The following NOL4 variants were observed in gnomAD, a reference collection of about 807,000 sequenced individuals.
NOL4 encodes the protein cancer/testis antigen 125.
Under a neutral mutation model 75.9 loss-of-function variants are expected in NOL4, and 17 were observed. The ratio of observed to expected loss-of-function variants is 0.22; its 90% confidence interval spans 0.15 to 0.34. NOL4 has a LOEUF of 0.34. Among genes scored for constraint, NOL4 ranks in the 10% least tolerant of loss-of-function variants. NOL4 has a pLI of 1.00. For synonymous variants in NOL4, 292 were observed against 289.9 expected (o/e 1.01, Z -0.07); for missense variants, 614 against 793.5 (o/e 0.77, Z 2.72).
intron 4 of NOL4, among the ~76,000 whole-genome samples, chr18:34,103,302 T>A (rs993600490): frequency 3.3e-5 from 5 of 152,050 alleles, no homozygotes; most frequent in African/African-American, 2.4e-5. Context: ...CTATTGTATA[T>A]CTGCTATTGT....
chr18:34,140,916 C>A (rs970234056), intron 1 of NOL4, among the ~76,000 whole-genome samples: 1 of 151,656 alleles, frequency 6.6e-6, no homozygotes, highest in Non-Finnish European at 1.5e-5. Context: ...CTAACAATGA[C>A]TGTATATCTA....
chr18:34,159,353 C>A (rs1274169943), intron 1 of NOL4, among the ~76,000 whole-genome samples: 2 of 152,136 alleles, frequency 1.3e-5, no homozygotes, highest in African/African-American at 2.4e-5. Context: ...TGACGTCCCC[C>A]GCCACCAGTA....
At chr18:34,177,392 A>G (rs2146306400) in intron 1 of NOL4, among the ~76,000 whole-genome samples, 1 of 152,066 alleles carries the variant, frequency 6.6e-6, no homozygotes, top group South Asian at 2.1e-4. Context: ...GTCAAAATGT[A>G]TCAAGTTGTA....
At chr18:33,975,506 G>A (rs776985311) in intron 6 of NOL4, among the ~76,000 whole-genome samples, 6 of 152,208 alleles carry the variant, frequency 3.9e-5, no homozygotes, top group Non-Finnish European at 8.8e-5. Context: ...GGGTGCAGTG[G>A]CTCATGCCTG....
chr18:34,188,173 C>G (rs2034637302), intron 1 of NOL4, among the ~76,000 whole-genome samples: 1 of 152,068 alleles, frequency 6.6e-6, no homozygotes, highest in Non-Finnish European at 1.5e-5. Flanking sequence ...TTGTCATTAA[C>G]TGAATACAGT....
At chr18:34,157,907 T>C (rs572937359) in intron 1 of NOL4, among the ~76,000 whole-genome samples, 13 of 152,328 alleles carry the variant, frequency 8.5e-5, no homozygotes, top group African/African-American at 3.1e-4. Flanking sequence ...TTCATAGCTT[T>C]ACCTAGGGCT....
intron 2 of NOL4, among the ~76,000 whole-genome samples, chr18:34,118,965 C>A (rs2079992810): frequency 6.6e-6 from 1 of 152,088 alleles, no homozygotes; most frequent in South Asian, 2.1e-4. Flanking sequence ...ACCATAATTA[C>A]CCCTGAATAC....
chr18:33,933,397 A>G (rs947636941), intron 9 of NOL4, among the ~76,000 whole-genome samples: 1 of 152,154 alleles, frequency 6.6e-6, no homozygotes, highest in African/African-American at 2.4e-5. Context: ...TCTTAAATAA[A>G]GACAAGAATG....
chr18:33,994,825 A>G (rs999476584), intron 6 of NOL4, among the ~76,000 whole-genome samples: 1 of 151,728 alleles, frequency 6.6e-6, no homozygotes, highest in South Asian at 2.1e-4. Context: ...GAATAGAGAA[A>G]CAATAGGCAA....
intron 2 of NOL4, among the ~76,000 whole-genome samples, chr18:34,124,692 G>A (rs769695066): frequency 3.3e-5 from 5 of 152,082 alleles, no homozygotes; most frequent in East Asian, 1.9e-4. Flanking sequence ...ATCACCTGAC[G>A]TCAGGAGTTT....
intron 10 of NOL4, among the ~76,000 whole-genome samples, chr18:33,862,357 C>T (rs373253141): frequency 1.4e-3 from 211 of 152,130 alleles, no homozygotes; most frequent in African/African-American, 4.3e-3. Flanking sequence ...GACATAGGCA[C>T]GGGCAAGGAT....
intron 4 of NOL4, among the ~76,000 whole-genome samples, chr18:34,097,140 T>C (rs2078824267): frequency 6.6e-6 from 1 of 152,190 alleles, no homozygotes; most frequent in Admixed American, 6.5e-5. Context: ...TTTCTGAACA[T>C]GTCACTTCTC....
chr18:34,196,299 C>G lies in NOL4; in HGVS notation c.264+26691G>C, dbSNP rs904332620. 3.9e-5 allele frequency among the ~76,000 whole-genome samples: 6 copies of G among 152,190 alleles called. No homozygotes were observed. In the South Asian group the frequency reaches 1.0e-3, roughly 26 times the overall value. ...GACAGTCAACTAGCTTACAAAGATT[C>G]TATCATCTTGTTTTACTCAAACTAA... On this transcript the variant is annotated intron_variant, in intron 1 of 10. Coordinates refer to ENST00000261592, the MANE Select transcript of NOL4 (RefSeq NM_003787.5).
At position 33,852,162 on chromosome 18, in the gene NOL4, G is replaced by C. The variant is rs1046718691; in HGVS notation, c.*680C>G. On this transcript the variant is annotated 3_prime_UTR_variant, in exon 11 of 11. Coordinates refer to ENST00000261592, the MANE Select transcript of NOL4 (RefSeq NM_003787.5). ...GTAGTTCCTGATGTGACGATTGAAA[G>C]AACGTAGGCAAGGGTTTTTCCAGCA... 80 of 152,606 alleles carry C rather than the reference G, an allele frequency of 5.2e-4. 1 individual carries two copies. Among genetic ancestry groups the C allele is most frequent in the African/African-American group, 1.9e-3 (78 of 41,532 alleles). The allele number at this position is 152,606 out of a possible 1,614,324, so 9.5% of individuals were successfully genotyped here. A position where few individuals can be genotyped will look rare whatever the true frequency, so the allele number is the denominator to read the frequency against.
At chr18:33,879,783 C>CTT (rs199652135) in intron 10 of NOL4, among the ~76,000 whole-genome samples, 1 of 147,320 alleles carries the variant, frequency 6.8e-6, no homozygotes. Context: ...TTATTGGCAA[C>CTT]TTTTTTTTTT....
At position 34,093,522 on chromosome 18, in the gene NOL4, T is replaced by G; in HGVS notation, c.715A>C (p.Ser239Arg). 6.2e-7 allele frequency: 1 copy of G among 1,609,848 alleles called. No homozygotes were observed. Among genetic ancestry groups the G allele is most frequent in the Non-Finnish European group, 8.5e-7 (1 of 1,177,308 alleles). ...TRMSAVNSDL[S>R]SNLEERMQSP... The stretch of plus-strand genomic sequence containing the variant: ...TGCATTCTTTCTTCAAGATTGGAGC[T>G]AAGATCAGAGTTCACAGCTGACATC... The change falls in exon 5 of 11, where the codon AGC becomes CGC. Residue 239 changes from serine to arginine, a missense_variant. Physicochemically the swap from Ser to Arg is moderately radical, Grantham distance 110. This residue lies in a region of NOL4 where 135 missense variants were observed against 220.4 expected (regional missense o/e 0.61). Transcript: ENST00000261592.
intron 2 of NOL4, among the ~76,000 whole-genome samples, chr18:34,118,539 C>T (rs970447782): frequency 3.3e-5 from 5 of 152,276 alleles, no homozygotes; most frequent in African/African-American, 7.2e-5. Flanking sequence ...AACTCCAGAG[C>T]GGCCTCTATC....
At chr18:34,214,295 T>C (rs1366439765) in intron 1 of NOL4, among the ~76,000 whole-genome samples, 1 of 135,916 alleles carries the variant, frequency 7.4e-6, no homozygotes, top group Non-Finnish European at 1.5e-5. Flanking sequence ...GCCCAATATA[T>C]TTGTACTTTT....
intron 5 of NOL4, among the ~76,000 whole-genome samples, chr18:34,091,985 G>C (rs1359855154): frequency 6.6e-6 from 1 of 152,036 alleles, no homozygotes; most frequent in East Asian, 1.9e-4. Flanking sequence ...TGCAACTTCA[G>C]TCAAGTAAAC....
Sources: allele counts gnomAD v4.1 joint callset (sites outside exome capture counted in the v4.1 genomes callset), GRCh38; gene constraint gnomAD v4.1.1; regional missense constraint gnomAD v4.1.1; transcripts MANE v1.5; gene names NCBI Gene and HGNC (gene_info 2026-07-23, HGNC 2026-07-21).